The following EXOC6B variants were observed in gnomAD, a reference collection of about 807,000 sequenced individuals.
EXOC6B encodes SEC15 homolog B.
EXOC6B carries 54 observed loss-of-function variants against 113.5 expected under a neutral mutation model. The observed-to-expected ratio is 0.48, with a 90% CI of 0.38 to 0.60. EXOC6B has a LOEUF of 0.60. EXOC6B is among the 20% of genes least tolerant of loss of function. The probability of loss-of-function intolerance (pLI) is 0.00; values close to 1 mark genes in which losing one functional copy is unlikely to be tolerated. For synonymous variants in EXOC6B, 357 were observed against 339.0 expected (o/e 1.05, Z -0.58); for missense variants, 797 against 977.5 (o/e 0.82, Z 2.46).
intron 18 of EXOC6B, among the ~76,000 whole-genome samples, chr2:72,441,834 G>A (rs569178588): frequency 6.6e-6 from 1 of 152,104 alleles, no homozygotes; most frequent in African/African-American, 2.4e-5. Flanking sequence ...ACAAAGAAGA[G>A]CATGTACCAT....
chr2:72,623,277 T>A (rs1671856554), intron 6 of EXOC6B, among the ~76,000 whole-genome samples: 1 of 152,172 alleles, frequency 6.6e-6, no homozygotes, highest in South Asian at 2.1e-4. Flanking sequence ...ACCCTATAGA[T>A]TTACATATCT....
chr2:72,601,092 G>T (rs1251479211), intron 6 of EXOC6B, among the ~76,000 whole-genome samples: 1 of 150,932 alleles, frequency 6.6e-6, no homozygotes, highest in Non-Finnish European at 1.5e-5. Flanking sequence ...TTATAGACTT[G>T]TATGGCTACA....
chr2:72,672,466 T>C (rs1675960879), intron 6 of EXOC6B, among the ~76,000 whole-genome samples: 1 of 143,196 alleles, frequency 7.0e-6, no homozygotes. Flanking sequence ...CGGCCTCTAC[T>C]AACCCGGGAG....
At position 72,393,760 on chromosome 2, in the gene EXOC6B, G is replaced by A. The variant is rs1383839727; in HGVS notation, c.1981-13890C>T. Among the ~76,000 whole-genome samples the A allele has an allele frequency of 2.0e-5, 3 of 152,162 alleles. No individual in the cohort carries two copies. In the South Asian group the frequency reaches 6.2e-4, roughly 32 times the overall value. ...CTTTATTTACAAAATGCTTATATAT[G>A]TGTGTCTTTTGAACCCAAATTTACA... On this transcript the variant is annotated intron_variant, in intron 18 of 21. Coordinates refer to ENST00000272427, the MANE Select transcript of EXOC6B (RefSeq NM_015189.3).
intron 18 of EXOC6B, among the ~76,000 whole-genome samples, chr2:72,405,280 A>C (rs1693654716): frequency 6.6e-6 from 1 of 152,236 alleles, no homozygotes; most frequent in African/African-American, 2.4e-5. Context: ...AACACTCTGC[A>C]GGATATTATC....
At chr2:72,508,163 C>CAAAAAAAAAAAA (rs67586747) in intron 11 of EXOC6B, among the ~76,000 whole-genome samples, 15 of 57,518 alleles carry the variant, frequency 2.6e-4, no homozygotes, top group African/African-American at 6.5e-4. Flanking sequence ...ATATTACCCG[C>CAAAAAAAAAAAA]AAAAAAAAAA....
intron 17 of EXOC6B, among the ~76,000 whole-genome samples, chr2:72,471,562 G>A (rs1698413737): frequency 8.5e-5 from 13 of 152,240 alleles, no homozygotes. Context: ...GAATGGTATT[G>A]CCTAGGTTTT....
intron 8 of EXOC6B, among the ~76,000 whole-genome samples, chr2:72,547,358 A>G (rs555238434): frequency 7.2e-5 from 11 of 152,308 alleles, no homozygotes; most frequent in African/African-American, 7.2e-5. Flanking sequence ...GAAATCTTTA[A>G]ACTTTTTATT....
intron 19 of EXOC6B, among the ~76,000 whole-genome samples, chr2:72,359,179 T>C (rs1649080961): frequency 6.6e-6 from 1 of 152,190 alleles, no homozygotes; most frequent in South Asian, 2.1e-4. Context: ...CTGTATTGTT[T>C]GAATGTTAGT....
chr2:72,349,051 C>T (rs1251102388), intron 19 of EXOC6B, among the ~76,000 whole-genome samples: 1 of 152,148 alleles, frequency 6.6e-6, no homozygotes, highest in Non-Finnish European at 1.5e-5. Flanking sequence ...ATATCATTGG[C>T]TGAGGTAATG....
intron 2 of EXOC6B, 27 bp from the exon 3 acceptor site, chr2:72,733,145 A>T: frequency 6.7e-7 from 1 of 1,501,560 alleles, no homozygotes; most frequent in African/African-American, 1.4e-5. Context: ...ATTTAAACTC[A>T]TAAAAAACAA....
intron 6 of EXOC6B, among the ~76,000 whole-genome samples, chr2:72,698,824 T>G (rs1030049794): frequency 2.0e-5 from 3 of 152,198 alleles, no homozygotes; most frequent in Non-Finnish European, 4.4e-5. Flanking sequence ...AGCACCCATT[T>G]TCACTAATGG....
intron 20 of EXOC6B, among the ~76,000 whole-genome samples, chr2:72,243,324 C>A (rs1296547242): frequency 1.3e-5 from 2 of 152,094 alleles, no homozygotes; most frequent in Non-Finnish European, 2.9e-5. Context: ...TACACAATAG[C>A]AAAGACTTGG....
intron 5 of EXOC6B, among the ~76,000 whole-genome samples, chr2:72,724,073 G>A (rs980152872): frequency 1.3e-5 from 2 of 152,038 alleles, no homozygotes; most frequent in African/African-American, 4.8e-5. Flanking sequence ...GTGTGGCAGA[G>A]TTCCCCAAAA....
At chr2:72,429,539 C>A (rs920217647) in intron 18 of EXOC6B, among the ~76,000 whole-genome samples, 3 of 152,180 alleles carry the variant, frequency 2.0e-5, no homozygotes, top group Non-Finnish European at 4.4e-5. Context: ...ACAGCTTTCA[C>A]AACCATTATT....
At chr2:72,295,489 T>C (rs1200373482) in intron 20 of EXOC6B, among the ~76,000 whole-genome samples, 5 of 152,194 alleles carry the variant, frequency 3.3e-5, no homozygotes, top group Non-Finnish European at 4.4e-5. Flanking sequence ...GTGACTGTTT[T>C]AGGCTTTGCA....
intron 6 of EXOC6B, among the ~76,000 whole-genome samples, chr2:72,670,721 T>C (rs1006380030): frequency 6.6e-6 from 1 of 152,210 alleles, no homozygotes; most frequent in African/African-American, 2.4e-5. Flanking sequence ...TTAAAGAACC[T>C]GGAACACCTC....
At chr2:72,435,683 G>A (rs189371279) in intron 18 of EXOC6B, among the ~76,000 whole-genome samples, 4 of 149,444 alleles carry the variant, frequency 2.7e-5, no homozygotes, top group African/African-American at 9.8e-5. Flanking sequence ...TTTAAATTCT[G>A]TTTTATCGGA....
chr2:72,363,328 G>A (rs1690432824), intron 19 of EXOC6B, among the ~76,000 whole-genome samples: 1 of 152,038 alleles, frequency 6.6e-6, no homozygotes, highest in African/African-American at 2.4e-5. Context: ...ACCCTAAGCA[G>A]TAGTTACCAT....
Sources: allele counts gnomAD v4.1 joint callset (sites outside exome capture counted in the v4.1 genomes callset), GRCh38; gene constraint gnomAD v4.1.1; transcripts MANE v1.5; gene names NCBI Gene and HGNC (gene_info 2026-07-23, HGNC 2026-07-21).